Variants in BTNL8 observed in about 807,000 individuals in gnomAD.
BTNL8 encodes the protein butyrophilin like 8.
BTNL8 carries 22 observed loss-of-function variants against 36.1 expected under a neutral mutation model. That is an observed-to-expected ratio of 0.61 (90% CI 0.44 to 0.87). The LOEUF (loss-of-function observed/expected upper bound fraction) is 0.87, where lower values mean the gene tolerates loss of function less well. Ranked by LOEUF, BTNL8 falls within the 40% of genes least tolerant of loss-of-function variation. The pLI is 0.00. For synonymous variants in BTNL8, 203 were observed against 235.6 expected (o/e 0.86, Z 1.27); for missense variants, 526 against 616.9 (o/e 0.85, Z 1.56).
Position 180,899,231 on chromosome 5 carries a change from T to G in BTNL8, c.-80T>G. On this transcript the variant is annotated 5_prime_UTR_variant, in exon 1 of 8. Coordinates refer to ENST00000340184, the MANE Select transcript of BTNL8 (RefSeq NM_001040462.3). ...TCCGCACCTTGAGCATTAGGCCAGT[T>G]CTCCTCTTCTCTCTAATCCATCCGT... 1 of 1,548,340 alleles carries G rather than the reference T, an allele frequency of 6.5e-7. No individual in the cohort carries two copies. The highest frequency in any genetic ancestry group is 1.7e-5 in the Admixed American group (1 of 59,800).
intron 3 of BTNL8, among the ~76,000 whole-genome samples, chr5:180,917,795 G>A (rs999795900): frequency 1.6e-4 from 24 of 152,130 alleles, no homozygotes; most frequent in East Asian, 9.7e-4. Context: ...CTGGGAGGCC[G>A]AGGTGGGTGG....
At chr5:180,921,720 ATTATAATAAAAGGGGTAGG>A (rs1328761978) in intron 3 of BTNL8, among the ~76,000 whole-genome samples, 1 of 151,632 alleles carries the variant, frequency 6.6e-6, no homozygotes, top group Non-Finnish European at 1.5e-5. Context: ...AATTGTAATA[ATTATAATAAAAGGGGTAGG>A]AGGAAACTAC....
intron 1 of BTNL8, among the ~76,000 whole-genome samples, chr5:180,906,325 T>C (rs1333776774): frequency 1.0e-3 from 133 of 131,226 alleles, no homozygotes; most frequent in African/African-American, 4.3e-3. Flanking sequence ...GTCTGTTTTA[T>C]CAGAGACTAG....
At chr5:180,908,150 A>G (rs904030430) in intron 1 of BTNL8, among the ~76,000 whole-genome samples, 4 of 152,148 alleles carry the variant, frequency 2.6e-5, no homozygotes, top group Non-Finnish European at 5.9e-5. Context: ...CTGCTGTGCT[A>G]GCAATCAGCG....
chr5:180,933,903 A>C (rs1758519182), intron 3 of BTNL8, among the ~76,000 whole-genome samples: 1 of 152,124 alleles, frequency 6.6e-6, no homozygotes, highest in South Asian at 2.1e-4. Context: ...TCTTCCAAAA[A>C]ATGACAGAGG....
chr5:180,902,484 C>A, intron 1 of BTNL8: 1 of 1,364,154 alleles, frequency 7.3e-7, no homozygotes, highest in Non-Finnish European at 1.0e-6. Context: ...CAGCCCAGCC[C>A]AATGGAGCCC....
At chr5:180,945,310 C>T (rs1162058535) in intron 3 of BTNL8, among the ~76,000 whole-genome samples, 2 of 152,148 alleles carry the variant, frequency 1.3e-5, no homozygotes, top group Non-Finnish European at 2.9e-5. Flanking sequence ...TGTACAAAAA[C>T]GAACTCAGAT....
At chr5:180,943,326 G>T (rs1044923657) in intron 3 of BTNL8, among the ~76,000 whole-genome samples, 2 of 151,674 alleles carry the variant, frequency 1.3e-5, no homozygotes, top group Admixed American at 6.6e-5. Context: ...GTAGAGACGG[G>T]GTTTCACCAG....
chr5:180,945,565 A>T (rs1759193025), intron 3 of BTNL8, among the ~76,000 whole-genome samples: 1 of 152,246 alleles, frequency 6.6e-6, no homozygotes, highest in Non-Finnish European at 1.5e-5. Flanking sequence ...CAAACAGCTG[A>T]TAGAGGGTTA....
At chr5:180,933,056 T>C (rs1223430218) in intron 3 of BTNL8, among the ~76,000 whole-genome samples, 1 of 150,536 alleles carries the variant, frequency 6.6e-6, no homozygotes, top group Admixed American at 6.6e-5. Context: ...AAAATAGACT[T>C]TAAGTATGTA....
intron 3 of BTNL8, among the ~76,000 whole-genome samples, chr5:180,914,491 A>G (rs1046122460): frequency 2.0e-5 from 3 of 152,260 alleles, no homozygotes; most frequent in Non-Finnish European, 4.4e-5. Flanking sequence ...ATGATTTCTA[A>G]TCACAATATA....
chr5:180,900,777 C>T (rs556820492), intron 1 of BTNL8, among the ~76,000 whole-genome samples: 3 of 152,238 alleles, frequency 2.0e-5, no homozygotes, highest in Non-Finnish European at 4.4e-5. Flanking sequence ...ATGAGCGTTG[C>T]TGCGGTGGCA....
intron 3 of BTNL8, among the ~76,000 whole-genome samples, chr5:180,936,310 T>A (rs1254683709): frequency 6.6e-6 from 1 of 152,142 alleles, no homozygotes; most frequent in Non-Finnish European, 1.5e-5. Context: ...ATTGTCTCTA[T>A]TTAGTAATAA....
In BTNL8 at chr5:180,921,849, C is replaced by T. The variant is rs566305995; in HGVS notation, c.673+10235C>T. Among the ~76,000 whole-genome samples the T allele has an allele frequency of 3.3e-5, 5 of 152,100 alleles. No individual in the cohort carries two copies. The South Asian group carries it at 1.0e-3, about 32-fold the overall frequency. On this transcript the variant is annotated intron_variant, in intron 3 of 7. Coordinates refer to ENST00000340184, the MANE Select transcript of BTNL8 (RefSeq NM_001040462.3). Reference sequence around the variant, plus strand: ...TTGAGTTGTATAAATTAAATATGTACAGCTTTTTACATGTGAATCATACCT... The same window carrying T: ...TTGAGTTGTATAAATTAAATATGTATAGCTTTTTACATGTGAATCATACCT...
At chr5:180,934,649 G>A (rs1758561170) in intron 3 of BTNL8, among the ~76,000 whole-genome samples, 1 of 152,232 alleles carries the variant, frequency 6.6e-6, no homozygotes, top group African/African-American at 2.4e-5. Flanking sequence ...ACTGCAAGTA[G>A]CTTCCACTGT....
At chr5:180,945,885 T>C (rs1759213041) in intron 3 of BTNL8, 2 of 371,030 alleles carry the variant, frequency 5.4e-6, no homozygotes, top group African/African-American at 2.0e-5. Flanking sequence ...GCAAAGGACA[T>C]ATGTTTCATT....
chr5:180,910,983 T>A (rs1026885015), intron 2 of BTNL8, among the ~76,000 whole-genome samples: 3 of 152,222 alleles, frequency 2.0e-5, no homozygotes, highest in African/African-American at 7.2e-5. Flanking sequence ...AGCAACTGAT[T>A]AGAGGCTTCA....
chr5:180,908,756 C>A lies in BTNL8; in HGVS notation c.220C>A (p.Pro74Thr). The change falls in exon 2 of 8, where the codon CCA becomes ACA. Residue 74 changes from proline (P) to threonine (T), a missense_variant. Pro to Thr is a conservative substitution (Grantham distance 38). This residue lies in a region of BTNL8 where 350 missense variants were observed against 324.6 expected (regional missense o/e 1.08). Coordinates refer to ENST00000340184, the MANE Select transcript of BTNL8 (RefSeq NM_001040462.3). The part of the protein sequence containing the change: ...VHLYRDGKDQ[P>T]FMQMPQYQGR... ...CCTCTACAGGGACGGGAAGGACCAG[C>A]CATTTATGCAGATGCCACAGTATCA... 1 of 1,614,142 alleles carries A rather than the reference C, an allele frequency of 6.2e-7. No individual in the cohort carries two copies. The highest frequency in any genetic ancestry group is 8.5e-7 in the Non-Finnish European group (1 of 1,180,034).
At position 180,935,681 on chromosome 5, in the gene BTNL8, G is replaced by A. The variant is rs981827119; in HGVS notation, c.674-11831G>A. On this transcript the variant is annotated intron_variant, in intron 3 of 7. Transcript: ENST00000340184. The surrounding 1 kb of genome is among the most constrained non-coding windows in gnomAD (Gnocchi z 4.8). The stretch of plus-strand genomic sequence containing the variant: ...ACTGCAGTTGTGCCCCAGAGCACAG[G>A]ACTCCTGCCCCGTGGACTTGGTAGA... Among the ~76,000 whole-genome samples, 2 of 152,142 alleles carry A rather than the reference G, an allele frequency of 1.3e-5. No homozygotes were observed. The highest frequency in any genetic ancestry group is 4.8e-5 in the African/African-American group (2 of 41,450).
Sources: allele counts gnomAD v4.1 joint callset (sites outside exome capture counted in the v4.1 genomes callset), GRCh38; gene constraint gnomAD v4.1.1; regional missense constraint gnomAD v4.1.1; non-coding constraint Gnocchi (gnomAD v3.1); transcripts MANE v1.5; gene names NCBI Gene and HGNC (gene_info 2026-07-23, HGNC 2026-07-21).